REEP5: variants seen among roughly 807,000 people sequenced by gnomAD.
REEP5 encodes receptor expression-enhancing protein 5.
A neutral mutation model predicts 22.4 loss-of-function variants in REEP5; 24 were observed. That is an observed-to-expected ratio of 1.07 (90% CI 0.78 to 1.51). The LOEUF is 1.51. REEP5 is among the 40% of genes most tolerant of loss of function. The probability of loss-of-function intolerance (pLI) is 0.00; values close to 1 mark genes in which losing one functional copy is unlikely to be tolerated. For synonymous variants in REEP5, 103 were observed against 88.6 expected, an observed-to-expected ratio of 1.16 and a Z score of -0.92; for missense variants, 252 against 233.0, an observed-to-expected ratio of 1.08 and a Z score of -0.53.
intron 3 of REEP5, chr5:112,892,947 G>A: frequency 6.3e-7 from 1 of 1,599,072 alleles, no homozygotes; most frequent in Non-Finnish European, 8.5e-7. Context: ...ACCGCAGCTG[G>A]GACCAGGGCC....
chr5:112,910,643 A>G (rs942326797), intron 2 of REEP5, among the ~76,000 whole-genome samples: 4 of 152,138 alleles, frequency 2.6e-5, no homozygotes, highest in African/African-American at 4.8e-5. Context: ...CTGCAGCTCA[A>G]TCTCTCCATT....
rs1197394805 is a variant in REEP5, at chr5:112,921,204, G to A, written c.171C>T (p.Leu57=). 1 of 1,614,162 alleles carries A rather than the reference G, an allele frequency of 6.2e-7. No homozygotes were observed. Among genetic ancestry groups the A allele is most frequent in the African/African-American group, 1.3e-5 (1 of 75,034 alleles). The change falls in exon 2 of 5, where the codon CTC becomes CTT. Residue 57 remains leucine (L), a synonymous_variant. Transcript: ENST00000379638. ...LYLVFGYGAS[L]LCNLIGFGYP... ...AGCCAAATCCTATCAGGTTGCAGAG[G>A]AGAGAGGCTCCATAACCGAACACCA...
intron 4 of REEP5, 32 bp downstream of exon 4, chr5:112,886,983 A>C (rs1580732275): frequency 6.6e-7 from 1 of 1,521,856 alleles, no homozygotes; most frequent in East Asian, 2.3e-5. Context: ...ATCTCCTCTC[A>C]CATGTGGGGC....
At chr5:112,904,019 A>G (rs980065268) in intron 2 of REEP5, among the ~76,000 whole-genome samples, 3 of 152,200 alleles carry the variant, frequency 2.0e-5, no homozygotes, top group African/African-American at 7.2e-5. Context: ...TTTAGTAGAG[A>G]CAAGGTCTCA....
chr5:112,902,974 T>C (rs754771631), intron 2 of REEP5, among the ~76,000 whole-genome samples: 3 of 152,194 alleles, frequency 2.0e-5, no homozygotes, highest in Non-Finnish European at 4.4e-5. Flanking sequence ...ATTTGGAACA[T>C]AGGTTAGGTA....
chr5:112,917,855 G>A (rs569404447), intron 2 of REEP5, among the ~76,000 whole-genome samples: 4 of 152,212 alleles, frequency 2.6e-5, no homozygotes, highest in Non-Finnish European at 5.9e-5. Flanking sequence ...TGGGTAGGAG[G>A]AATAGGGAGT....
chr5:112,908,267 G>GT (rs1322715215), intron 2 of REEP5, among the ~76,000 whole-genome samples: 3 of 151,486 alleles, frequency 2.0e-5, no homozygotes, highest in South Asian at 4.2e-4. Context: ...CGCCCCGCTA[G>GT]TTTTTTTGTA....
intron 2 of REEP5, 126 bp downstream of exon 2, chr5:112,921,037 A>G: frequency 1.1e-6 from 1 of 887,216 alleles, no homozygotes; most frequent in South Asian, 1.6e-5. Flanking sequence ...CCTTATGTCC[A>G]ACCTCATCCC....
intron 3 of REEP5, among the ~76,000 whole-genome samples, chr5:112,890,958 C>T (rs818425): frequency 0.42 from 63,416 of 150,300 alleles, 15,967 homozygotes; most frequent in African/African-American, 0.67. Flanking sequence ...TTTCTCTGAC[C>T]CAAGAATACT....
chr5:112,920,104 T>C (rs1009036213), intron 2 of REEP5, among the ~76,000 whole-genome samples: 1 of 152,238 alleles, frequency 6.6e-6, no homozygotes, highest in Non-Finnish European at 1.5e-5. Context: ...CAGGGCTATA[T>C]GTAGCTAGAC....
chr5:112,910,223 A>C (rs968596479), intron 2 of REEP5, among the ~76,000 whole-genome samples: 2 of 152,186 alleles, frequency 1.3e-5, no homozygotes, highest in African/African-American at 4.8e-5. Flanking sequence ...GAATTACTTG[A>C]ACCCGGGAGG....
At chr5:112,887,376 A>G (rs1009406773) in intron 3 of REEP5, among the ~76,000 whole-genome samples, 193 bp from the exon 4 acceptor site, 3 of 152,228 alleles carry the variant, frequency 2.0e-5, no homozygotes, top group African/African-American at 7.2e-5. Context: ...ATGAGCTGGT[A>G]AGGAAAAGCT....
At chr5:112,921,687 G>A (rs754575111) in intron 1 of REEP5, 5 of 239,962 alleles carry the variant, frequency 2.1e-5, no homozygotes, top group Non-Finnish European at 4.0e-5. Context: ...TCTCCGGGCG[G>A]AGCTCCACGG....
At chr5:112,879,550 T>C (rs1213680872) in intron 4 of REEP5, among the ~76,000 whole-genome samples, 1 of 152,184 alleles carries the variant, frequency 6.6e-6, no homozygotes, top group African/African-American at 2.4e-5. Flanking sequence ...CTCGGCTCAC[T>C]ACAGGCTCTG....
chr5:112,903,763 A>T (rs1363543564), intron 2 of REEP5, among the ~76,000 whole-genome samples: 3 of 152,216 alleles, frequency 2.0e-5, no homozygotes, highest in African/African-American at 7.2e-5. Flanking sequence ...TAGCTCAATG[A>T]GATGATTACT....
chr5:112,915,859 G>C (rs1004423544), intron 2 of REEP5, among the ~76,000 whole-genome samples: 2 of 96,608 alleles, frequency 2.1e-5, no homozygotes, highest in African/African-American at 8.2e-5. Flanking sequence ...GAGTAAAAAA[G>C]AACAAAACAT....
At chr5:112,881,128 C>CAAAAAAA (rs58737941) in intron 4 of REEP5, among the ~76,000 whole-genome samples, 3 of 67,202 alleles carry the variant, frequency 4.5e-5, no homozygotes, top group African/African-American at 1.8e-4. Context: ...GACTCTGTTT[C>CAAAAAAA]AAAAAAAAAA....
chr5:112,897,713 G>A (rs554452693), intron 3 of REEP5: 2 of 152,100 alleles, frequency 1.3e-5, no homozygotes, highest in African/African-American at 4.8e-5. Context: ...AGCTGCTTTA[G>A]AAAAATGAAA....
Position 112,902,433 on chromosome 5 carries a change from C to G in REEP5, c.298G>C (p.Glu100Gln). ...WVVYGVFSIAEFFSDIFLSWF... is the reference protein window; with the variant it reads ...WVVYGVFSIAQFFSDIFLSWF... Reference sequence around the variant, plus strand: ...GACAGGAAGATATCAGAGAAGAATTCAGCAATGCTGAACACACCATACACT... The same window carrying G: ...GACAGGAAGATATCAGAGAAGAATTGAGCAATGCTGAACACACCATACACT... Residue 100 changes from glutamate to glutamine, a missense_variant, in exon 3 of 5, where the codon GAA becomes CAA. Glu to Gln is a conservative substitution (Grantham distance 29). Transcript: ENST00000379638. 1 of 1,613,074 alleles carries G rather than the reference C, an allele frequency of 6.2e-7. No individual in the cohort carries two copies. The highest frequency in any genetic ancestry group is 8.5e-7 in the Non-Finnish European group (1 of 1,179,712).
Sources: allele counts gnomAD v4.1 joint callset (sites outside exome capture counted in the v4.1 genomes callset), GRCh38; gene constraint gnomAD v4.1.1; transcripts MANE v1.5; gene names NCBI Gene and HGNC (gene_info 2026-07-23, HGNC 2026-07-21).